The following TCP11L1 variants were observed in gnomAD, a reference collection of about 807,000 sequenced individuals.
The protein encoded by TCP11L1 is t-complex 11 like 1.
Under a neutral mutation model 48.9 loss-of-function variants are expected in TCP11L1, and 28 were observed. The ratio of observed to expected loss-of-function variants is 0.57; its 90% CI spans 0.42 to 0.78. The LOEUF (loss-of-function observed/expected upper bound fraction) is 0.78. Among genes scored for constraint, TCP11L1 ranks in the 30% least tolerant of loss-of-function variants. The probability of loss-of-function intolerance (pLI) is 0.00; values close to 1 mark genes in which losing one functional copy is unlikely to be tolerated. For missense variants in TCP11L1, 505 were observed against 613.4 expected (o/e 0.82, Z 1.87); for synonymous variants, 204 against 231.9 (o/e 0.88, Z 1.09).
chr11:33,068,905 C>CTGGA, intron 9 of TCP11L1, 46 bp downstream of exon 9: 3 of 1,587,912 alleles, frequency 1.9e-6, no homozygotes, highest in Non-Finnish European at 2.6e-6. Context: ...CTCTGAGGGG[C>CTGGA]TGGAGCACGA....
At chr11:33,041,989 C>T (rs1853847220) in intron 1 of TCP11L1, among the ~76,000 whole-genome samples, 1 of 152,160 alleles carries the variant, frequency 6.6e-6, no homozygotes, top group African/African-American at 2.4e-5. Context: ...GTTTTGTGAT[C>T]TTCAAGTGCT....
rs184244964 is a variant in TCP11L1 at position 33,066,133 on chromosome 11, A to G, written c.1154+122A>G. 3.1e-6 allele frequency: 4 copies of G among 1,280,750 alleles called. No individual in the cohort carries two copies. In the East Asian group the frequency reaches 9.4e-5, roughly 30 times the overall value. The allele number at this position is 1,280,750 out of a possible 1,614,324, so 79.3% of individuals were successfully genotyped here. ...GGCCACTCTCTAGGAACTGAGAAGAAACCTTGCTGTCTCAGTTGGTTCACT... is the reference window on the plus strand; with the variant it reads ...GGCCACTCTCTAGGAACTGAGAAGAGACCTTGCTGTCTCAGTTGGTTCACT... On this transcript the variant is annotated intron_variant, in intron 8 of 9. Transcript: ENST00000334274.
At chr11:33,059,246 G>A in intron 6 of TCP11L1, 151 bp downstream of exon 6, 2 of 1,061,852 alleles carry the variant, frequency 1.9e-6, no homozygotes, top group Non-Finnish European at 2.7e-6. Context: ...AAAATGTTGG[G>A]ACTACATCTA....
Position 33,057,128 on chromosome 11 carries a change from G to T in TCP11L1, c.310G>T (p.Val104Leu). ...ELPENSLKKR[V>L]KEIVHKAFWD... is the part of the protein sequence containing the mutation. ...TCACTGCCCCAGCTTGAAGAAGAGAGTAAAGGAGATTGTACATAAAGCGTT... is the reference window on the plus strand; with the variant it reads ...TCACTGCCCCAGCTTGAAGAAGAGATTAAAGGAGATTGTACATAAAGCGTT... The change falls in exon 4 of 10, where the codon GTA becomes TTA. Residue 104 changes from valine (V) to leucine (L), a missense_variant. Around this residue, in one of 3 missense-constraint regions of TCP11L1, gnomAD observed 168 missense variants for 183.5 expected, o/e 0.92. Transcript: ENST00000334274. 4 of 1,613,952 alleles carry T rather than the reference G, an allele frequency of 2.5e-6. No homozygotes were observed. The highest frequency in any genetic ancestry group is 3.4e-6 in the Non-Finnish European group (4 of 1,179,992).
chr11:33,043,195 AT>A (rs1853890162), intron 1 of TCP11L1, among the ~76,000 whole-genome samples: 1 of 152,050 alleles, frequency 6.6e-6, no homozygotes, highest in Admixed American at 6.6e-5. Context: ...AGATTGCCCC[AT>A]TGCACTCCAG....
Position 33,072,566 on chromosome 11 carries a change from A to C in TCP11L1, c.1420A>C (p.Arg474=), listed in dbSNP as rs755861782. 1.2e-6 allele frequency: 2 copies of C among 1,614,160 alleles called. No individual in the cohort carries two copies. ...TVPGGLSPVQ[R]ELEEVAIKFA... is the part of the protein sequence containing the mutation. ...CCCTGGGGGACTCAGTCCAGTTCAGAGAGAGCTGGAGGAAGTTGCTATTAA... is the reference window on the plus strand; with the variant it reads ...CCCTGGGGGACTCAGTCCAGTTCAGCGAGAGCTGGAGGAAGTTGCTATTAA... Residue 474 remains arginine, a synonymous_variant, in exon 10 of 10, where the codon AGA becomes CGA. Transcript: ENST00000334274.
intron 2 of TCP11L1, among the ~76,000 whole-genome samples, chr11:33,053,144 CTTTTTTTTTTT>C (rs10715921): frequency 8.6e-6 from 1 of 116,214 alleles, no homozygotes; most frequent in Non-Finnish European, 1.7e-5. Flanking sequence ...CTATCAGAGA[CTTTTTTTTTTT>C]TTTTTTTTTG....
chr11:33,058,680 C>G (rs773000997), intron 5 of TCP11L1, among the ~76,000 whole-genome samples: 7 of 152,170 alleles, frequency 4.6e-5, no homozygotes, highest in Non-Finnish European at 8.8e-5. Flanking sequence ...TAATTTCCTT[C>G]AACATTTTCT....
At position 33,061,732 on chromosome 11, in the gene TCP11L1, T is replaced by TCAC. The variant is rs1854473441; in HGVS notation, c.972+7_972+8insACC. 6.3e-7 allele frequency: 1 copy of TCAC among 1,585,392 alleles called. No homozygotes were observed. Among genetic ancestry groups the TCAC allele is most frequent in the African/African-American group, 1.3e-5 (1 of 74,148 alleles). The stretch of plus-strand genomic sequence containing the variant: ...TCCAGAGGCCGTTCCCCGAAGTAGG[T>TCAC]CTCCTGAGCCATCTCACTACTCATA... On this transcript the variant is annotated splice_region_variant and intron_variant, in intron 7 of 9. Transcript: ENST00000334274.
At chr11:33,043,989 C>A in intron 2 of TCP11L1, 53 bp downstream of exon 2, 3 of 1,513,104 alleles carry the variant, frequency 2.0e-6, no homozygotes, top group Non-Finnish European at 2.7e-6. Context: ...TTTCAGGTGA[C>A]GGTTTTATGA....
intron 2 of TCP11L1, among the ~76,000 whole-genome samples, chr11:33,050,315 T>G (rs1030056424): frequency 1.3e-5 from 2 of 152,196 alleles, no homozygotes; most frequent in Non-Finnish European, 2.9e-5. Context: ...TTAAAAAACT[T>G]GGGAGCCCTA....
chr11:33,047,240 C>G (rs1226883738), intron 2 of TCP11L1, among the ~76,000 whole-genome samples: 2 of 151,164 alleles, frequency 1.3e-5, no homozygotes, highest in African/African-American at 2.4e-5. Context: ...GAGTAGAATT[C>G]TGATGTAACC....
chr11:33,041,038 G>A (rs927200893), intron 1 of TCP11L1: 2 of 152,190 alleles, frequency 1.3e-5, no homozygotes, highest in South Asian at 4.1e-4. Context: ...TGAATTTAAG[G>A]CAGTGACAAA....
At chr11:33,063,132 G>A (rs1350923061) in intron 7 of TCP11L1, among the ~76,000 whole-genome samples, 1 of 152,130 alleles carries the variant, frequency 6.6e-6, no homozygotes, top group Non-Finnish European at 1.5e-5. Context: ...CCCAGTGTTG[G>A]GATTACAGGC....
chr11:33,054,783 A>G, intron 3 of TCP11L1, 58 bp downstream of exon 3: 4 of 1,552,980 alleles, frequency 2.6e-6, no homozygotes, highest in South Asian at 1.2e-5. Flanking sequence ...CCAGTTTTGA[A>G]AATGTTTCCT....
At chr11:33,057,087 C>T (rs1437073938) in intron 3 of TCP11L1, 28 bp from the exon 4 acceptor site, 1 of 1,611,412 alleles carries the variant, frequency 6.2e-7, no homozygotes, top group South Asian at 1.1e-5. Flanking sequence ...GGTTTTTGCC[C>T]CCCTCCTTTT....
At chr11:33,051,964 T>C (rs1254517283) in intron 2 of TCP11L1, among the ~76,000 whole-genome samples, 1 of 152,228 alleles carries the variant, frequency 6.6e-6, no homozygotes, top group Non-Finnish European at 1.5e-5. Context: ...CTATACATTT[T>C]AGAATTAGTT....
rs1378448231 is a variant in TCP11L1, at chr11:33,072,612, A to C, written c.1466A>C (p.Tyr489Ser). 6.2e-7 allele frequency: 1 copy of C among 1,614,172 alleles called. No individual in the cohort carries two copies. The highest frequency in any genetic ancestry group is 1.1e-5 in the South Asian group (1 of 91,080). ...VAIKFARLVN[Y>S]NKMVFCPYYD... ...ATTAAATTTGCTCGCCTGGTCAACT[A>C]TAACAAGATGGTCTTCTGTCCCTAC... The change falls in exon 10 of 10, where the codon TAT (tyrosine) becomes TCT (serine). Residue 489 changes from tyrosine (Y) to serine (S), a missense_variant. Tyr to Ser is a moderately radical substitution (Grantham distance 144). Transcript: ENST00000334274.
intron 1 of TCP11L1, chr11:33,040,524 C>T (rs1328075139): frequency 6.6e-6 from 1 of 152,238 alleles, no homozygotes; most frequent in Non-Finnish European, 1.5e-5. Context: ...CGTAGGGATT[C>T]ATCTCTATCA....
Sources: gnomAD v4.1 joint callset for allele counts (sites outside exome capture counted in the v4.1 genomes callset) on GRCh38, gnomAD v4.1.1 for gene constraint, gnomAD v4.1.1 regional missense constraint, MANE v1.5 for transcripts, NCBI Gene and HGNC (gene_info 2026-07-23, HGNC 2026-07-21) for gene names.